The following DNAH17 variants were observed in gnomAD, a reference collection of about 807,000 sequenced individuals.
DNAH17 encodes axonemal beta dynein heavy chain 17.
In DNAH17, 376 loss-of-function variants were observed where a neutral mutation model predicts 485.6. The ratio of observed to expected loss-of-function variants is 0.77; its 90% CI spans 0.71 to 0.84. The LOEUF is 0.84. DNAH17 is among the 40% of genes least tolerant of loss of function. The probability of loss-of-function intolerance (pLI) is 0.00; values close to 1 mark genes in which losing one functional copy is unlikely to be tolerated. For missense variants in DNAH17, 6,370 were observed against 5,839.3 expected (o/e 1.09, Z -2.96); for synonymous variants, 3,031 against 2,405.9 (o/e 1.26, Z -7.60).
At position 78,555,543 on chromosome 17, in the gene DNAH17, CAAAAAAAAAA is replaced by C. The variant is rs765954549; in HGVS notation, c.2178+2555_2178+2564del. On this transcript the variant is annotated intron_variant, in intron 14 of 80. Transcript: ENST00000389840. ...CGGGGAGAGGAGCAAGATTCCGTCA[CAAAAAAAAAA>C]AAAAAAAAAAAAAGAGGCAAGAAGG... Among the ~76,000 whole-genome samples the C allele has an allele frequency of 5.1e-5, 4 of 77,694 alleles. No homozygotes were observed. The East Asian group carries it at 1.4e-3, about 26-fold the overall frequency. 51.0% of individuals were successfully genotyped at this position (77,694 alleles called of 152,430 possible). A position where few individuals can be genotyped will look rare whatever the true frequency, so the allele number is the denominator to read the frequency against.
At chr17:78,479,168 G>A (rs1236129377) in intron 50 of DNAH17, 52 bp from the exon 51 acceptor site, 30 of 1,569,132 alleles carry the variant, frequency 1.9e-5, no homozygotes. Context: ...ATGGCCCCAG[G>A]AAGTGCAAGC....
Position 78,466,642 on chromosome 17 carries a change from C to G in DNAH17, c.8940+13G>C. On this transcript the variant is annotated intron_variant, in intron 56 of 80. Coordinates refer to ENST00000389840, the MANE Select transcript of DNAH17 (RefSeq NM_173628.4). ...GGCTCTACACTCAGGCAGAGGTGGC[C>G]TCAGTGACTCACCGGAATCCCCTCA... 1 of 1,600,622 alleles carries G rather than the reference C, an allele frequency of 6.2e-7. No individual in the cohort carries two copies. The highest frequency in any genetic ancestry group is 8.5e-7 in the Non-Finnish European group (1 of 1,173,712).
Position 78,444,799 on chromosome 17 carries a change from T to C in DNAH17, c.11335-2A>G. 6.4e-7 allele frequency: 1 copy of C among 1,563,024 alleles called. No homozygotes were observed. The highest frequency in any genetic ancestry group is 8.6e-7 in the Non-Finnish European group (1 of 1,156,720). The stretch of plus-strand genomic sequence containing the variant: ...GAACTCATCCATCTCCGAGAGGGCC[T>C]AGGGGCAGAGGCAGCGGGCCCTGTG... On this transcript the variant is annotated splice_acceptor_variant, in intron 70 of 80. Coordinates refer to ENST00000389840, the MANE Select transcript of DNAH17 (RefSeq NM_173628.4). LOFTEE classifies it high-confidence loss of function.
Position 78,551,968 on chromosome 17 carries a change from A to G in DNAH17, c.2288-330T>C, listed in dbSNP as rs868592572. On this transcript the variant is annotated intron_variant, in intron 15 of 80. Coordinates refer to ENST00000389840, the MANE Select transcript of DNAH17 (RefSeq NM_173628.4). The stretch of plus-strand genomic sequence containing the variant: ...ACAGAGTGAGACTCTATCTCAGGAA[A>G]AAAAAAAAAAAAATTCAGCAGGATG... 2.7e-3 allele frequency among the ~76,000 whole-genome samples: 408 copies of G among 151,320 alleles called. 2 individuals carry two copies. Among genetic ancestry groups the G allele is most frequent in the African/African-American group, 9.0e-3 (373 of 41,312 alleles).
At chr17:78,437,053 A>C (rs584202) in intron 74 of DNAH17, among the ~76,000 whole-genome samples, 40,430 of 152,028 alleles carry the variant, frequency 0.27, 5,694 homozygotes, top group Middle Eastern at 0.36. Context: ...CCTGGAGGCA[A>C]CCAGCAGCCA....
chr17:78,448,202 G>C (rs1297734093), intron 69 of DNAH17, among the ~76,000 whole-genome samples: 1 of 138,954 alleles, frequency 7.2e-6, no homozygotes, highest in African/African-American at 2.6e-5. Flanking sequence ...AACCAGAACA[G>C]AAAAAAAAAA....
chr17:78,512,919 C>A (rs998978118), intron 26 of DNAH17, among the ~76,000 whole-genome samples: 2 of 112,898 alleles, frequency 1.8e-5, no homozygotes, highest in African/African-American at 7.2e-5. Context: ...CCAGCCTGGG[C>A]AACAGAGAGA....
intron 16 of DNAH17, among the ~76,000 whole-genome samples, chr17:78,544,889 T>C (rs1311768057): frequency 2.0e-5 from 3 of 152,026 alleles, no homozygotes; most frequent in South Asian, 4.2e-4. Context: ...TTAGATTTTT[T>C]TTCCCTACAC....
chr17:78,539,631 G>A lies in DNAH17; in HGVS notation c.2676+106C>T, dbSNP rs190904372. The A allele has an allele frequency of 7.9e-6, 8 of 1,010,118 alleles. No homozygotes were observed. The East Asian group carries it at 8.8e-5, about 11-fold the overall frequency. 62.6% of individuals were successfully genotyped at this position (1,010,118 alleles called of 1,614,324 possible). On this transcript the variant is annotated intron_variant, in intron 18 of 80. Coordinates refer to ENST00000389840, the MANE Select transcript of DNAH17 (RefSeq NM_173628.4). ...GATTGCATAAGATATATTTTAATAA[G>A]TCTATTTATAAAATGATAGCCTGTT...
chr17:78,464,018 T>A (rs1048343728), intron 56 of DNAH17, among the ~76,000 whole-genome samples: 1 of 152,190 alleles, frequency 6.6e-6, no homozygotes, highest in African/African-American at 2.4e-5. Context: ...AATGCTCTAA[T>A]GGCAAGTAGG....
At position 78,429,181 on chromosome 17, in the gene DNAH17, C is replaced by T. The variant is rs1238208790; in HGVS notation, c.12345G>A (p.Met4115Ile). ...GGGCCAGCAGGACGTCTCCCTCCAG[C>T]ATCTCCGTCCGGATGTATTCAGCCA... ...TYLAEYIRTE[M>I]LEGDVLLAPG... The change falls in exon 76 of 81, where the codon ATG becomes ATA. Residue 4115 changes from methionine (M) to isoleucine (I), a missense_variant. By Grantham distance (10) the Met-to-Ile change is conservative (BLOSUM62 1). Transcript: ENST00000389840. 4 of 1,613,724 alleles carry T rather than the reference C, an allele frequency of 2.5e-6. No individual in the cohort carries two copies. Among genetic ancestry groups the T allele is most frequent in the African/African-American group, 2.7e-5 (2 of 74,934 alleles).
rs2091199015 is a variant in DNAH17 at position 78,530,389 on chromosome 17, A to G, written c.3238T>C (p.Trp1080Arg). Residue 1080 changes from tryptophan to arginine, a missense_variant, in exon 21 of 81, where the codon TGG becomes CGG. Physicochemically the swap from Trp to Arg is moderately radical, Grantham distance 101. Transcript: ENST00000389840. Reference protein sequence around the residue: ...KQALLSTIRRWGFMFKRHLSN... With the variant: ...KQALLSTIRRRGFMFKRHLSN... ...AGGTGCCGCTTGAACATGAAGCCCC[A>G]GCGCCGGATTGTGCTGAGCAGGGCC... 2 of 1,613,034 alleles carry G rather than the reference A, an allele frequency of 1.2e-6. No homozygotes were observed. The highest frequency in any genetic ancestry group is 1.7e-6 in the Non-Finnish European group (2 of 1,179,262).
intron 77 of DNAH17, 127 bp from the exon 78 acceptor site, chr17:78,427,235 G>A (rs2086507922): frequency 1.1e-6 from 1 of 939,440 alleles, no homozygotes; most frequent in African/African-American, 1.6e-5. Flanking sequence ...GGCAAGTAGA[G>A]TTGCCAGAAA....
chr17:78,466,154 CAT>C (rs1376967631), intron 56 of DNAH17, among the ~76,000 whole-genome samples: 15 of 152,350 alleles, frequency 9.8e-5, no homozygotes, highest in African/African-American at 3.1e-4. Flanking sequence ...CTCTCTGAAA[CAT>C]GTGCTGTGTC....
chr17:78,501,077 C>T, intron 35 of DNAH17, 107 bp downstream of exon 35: 2 of 1,327,540 alleles, frequency 1.5e-6, no homozygotes, highest in African/African-American at 1.5e-5. Context: ...ACGCAAATGC[C>T]CAGTCCTTCC....
intron 25 of DNAH17, among the ~76,000 whole-genome samples, chr17:78,519,769 G>A (rs1454348386): frequency 6.6e-6 from 1 of 152,170 alleles, no homozygotes; most frequent in Non-Finnish European, 1.5e-5. Context: ...AGACCAACGT[G>A]AACAAGCCTG....
At chr17:78,491,600 C>A in intron 42 of DNAH17, 30 bp from the exon 43 acceptor site, 1 of 1,607,954 alleles carries the variant, frequency 6.2e-7, no homozygotes, top group Non-Finnish European at 8.5e-7. Context: ...TGACCCCGGG[C>A]CCTTCACTCC....
chr17:78,575,158 G>A (rs1035479009), intron 1 of DNAH17, 76 bp from the exon 2 acceptor site: 1 of 958,092 alleles, frequency 1.0e-6, no homozygotes, highest in African/African-American at 1.7e-5. Context: ...GGCACCGCAG[G>A]AAATCTCTGT....
chr17:78,558,353 C>G lies in DNAH17; in HGVS notation c.2032-99G>C. On this transcript the variant is annotated intron_variant, in intron 13 of 80. Coordinates refer to ENST00000389840, the MANE Select transcript of DNAH17 (RefSeq NM_173628.4). Reference sequence around the variant, plus strand: ...GAGCATCTGCCCTGGGATGTTTTGACAGCCGGGGGGGATCTCAAAGTTGGT... The same window carrying G: ...GAGCATCTGCCCTGGGATGTTTTGAGAGCCGGGGGGGATCTCAAAGTTGGT... 2.1e-6 allele frequency: 3 copies of G among 1,430,084 alleles called. No homozygotes were observed. In the South Asian group the frequency reaches 4.3e-5, roughly 20 times the overall value. 88.6% of individuals were successfully genotyped at this position (1,430,084 alleles called of 1,614,324 possible). A position where few individuals can be genotyped will look rare whatever the true frequency, so the allele number is the denominator to read the frequency against.
Sources: allele counts gnomAD v4.1 joint callset (sites outside exome capture counted in the v4.1 genomes callset), GRCh38; gene constraint gnomAD v4.1.1; transcripts MANE v1.5; gene names NCBI Gene and HGNC (gene_info 2026-07-23, HGNC 2026-07-21).